Variants in DAB1 observed in about 807,000 individuals in gnomAD.
DAB1 encodes disabled homolog 1.
DAB1 carries 15 observed loss-of-function variants against 64.6 expected under a neutral mutation model. That is an observed-to-expected ratio of 0.23 (90% CI 0.16 to 0.36). The LOEUF is 0.36. DAB1 is among the 10% of genes least tolerant of loss of function. The probability of loss-of-function intolerance (pLI) is 1.00; values close to 1 mark genes in which losing one functional copy is unlikely to be tolerated. For missense variants in DAB1, 596 were observed against 706.7 expected (o/e 0.84, Z 1.78); for synonymous variants, 235 against 251.9 (o/e 0.93, Z 0.64).
At chr1:57,310,145 A>C in intron 1 of DAB1, among the ~76,000 whole-genome samples, 1 of 152,218 alleles carries the variant, frequency 6.6e-6, no homozygotes, top group South Asian at 2.1e-4. Context: ...CAAGTATACA[A>C]TGTGTCAGGT....
chr1:58,022,817 A>G (rs1646833307), intron 5 of DAB1, among the ~76,000 whole-genome samples: 1 of 152,136 alleles, frequency 6.6e-6, no homozygotes, highest in Non-Finnish European at 1.5e-5. Flanking sequence ...AGTTCCGGTT[A>G]CTGTATTACC....
chr1:57,553,469 A>AAGG, intron 7 of DAB1, among the ~76,000 whole-genome samples: 1 of 23,010 alleles, frequency 4.3e-5, no homozygotes, highest in African/African-American at 7.5e-5. Flanking sequence ...AGAGAAAGGG[A>AAGG]AAGAAAGGAA....
In DAB1 at chr1:57,263,311, G is replaced by A. The variant is rs553569039; in HGVS notation, c.67+27653C>T. Among the ~76,000 whole-genome samples the A allele has an allele frequency of 6.4e-4, 98 of 151,986 alleles. 1 individual carries two copies. The highest frequency in any genetic ancestry group is 1.2e-3 in the Non-Finnish European group (83 of 67,968). ...TTTTTTGTATTTTTAGTAGAGATGG[G>A]GTTTTACCATGCTGACCAGGCTGGT... On this transcript the variant is annotated intron_variant, in intron 2 of 14. Transcript: ENST00000371236.
At chr1:57,736,626 G>A (rs1013507596) in intron 6 of DAB1, among the ~76,000 whole-genome samples, 45 of 151,938 alleles carry the variant, frequency 3.0e-4, no homozygotes, top group African/African-American at 1.1e-3. Context: ...GAGCTTTTAC[G>A]ACCTGCATTA....
intron 1 of DAB1, among the ~76,000 whole-genome samples, chr1:57,406,644 C>T (rs532302785): frequency 4.9e-4 from 75 of 152,284 alleles, no homozygotes; most frequent in African/African-American, 1.6e-3. Flanking sequence ...CCACCAGCAC[C>T]GCAATCTCCA....
At position 57,213,163 on chromosome 1, in the gene DAB1, C is replaced by T. The variant is rs565672442; in HGVS notation, c.68-67734G>A. 2.7e-5 allele frequency among the ~76,000 whole-genome samples: 4 copies of T among 150,686 alleles called. No homozygotes were observed. In the East Asian group the frequency reaches 5.9e-4, roughly 22 times the overall value. ...GATAGAATTTTAAATGTTCTAGTGA[C>T]CACATTTTAAAAGGTACAAAGAAAT... On this transcript the variant is annotated intron_variant, in intron 2 of 14. Coordinates refer to ENST00000371236, the MANE Select transcript of DAB1 (RefSeq NM_001365792.1).
intron 5 of DAB1, among the ~76,000 whole-genome samples, chr1:57,959,235 T>C (rs558582050): frequency 2.6e-5 from 4 of 152,186 alleles, no homozygotes; most frequent in Non-Finnish European, 4.4e-5. Context: ...AGGTGGGGAA[T>C]GGCACCTGCC....
chr1:57,641,180 G>A (rs1646122735), intron 7 of DAB1, among the ~76,000 whole-genome samples: 1 of 152,090 alleles, frequency 6.6e-6, no homozygotes, highest in South Asian at 2.1e-4. Flanking sequence ...GAGGTGGGAT[G>A]GGTGAGTTGG....
At chr1:58,404,028 C>T (rs551010600) in intron 3 of DAB1, among the ~76,000 whole-genome samples, 15 of 152,158 alleles carry the variant, frequency 9.9e-5, no homozygotes, top group Non-Finnish European at 1.9e-4. Flanking sequence ...TCCCAGAGAA[C>T]AGACAACAGA....
In DAB1 at chr1:57,446,859, TACTC is replaced by T. The variant is rs567842259; in HGVS notation, n.626-155697_626-155694del. On this transcript the variant is annotated intron_variant and non_coding_transcript_variant, in intron 7 of 20. Coordinates refer to the DAB1 transcript ENST00000485760. Reference sequence around the variant, plus strand: ...GAAAAAATGCACATTGATTCTTAATTACTCACATCCTATGTAAGCTTATCCATTA... The same window carrying T: ...GAAAAAATGCACATTGATTCTTAATTACATCCTATGTAAGCTTATCCATTA... Among the ~76,000 whole-genome samples the T allele has an allele frequency of 5.9e-4, 90 of 152,290 alleles. 1 individual carries two copies. The highest frequency in any genetic ancestry group is 2.1e-3 in the African/African-American group (89 of 41,568).
rs926392466 is a variant in DAB1 at position 57,422,515 on chromosome 1, C to T, written c.-137+1415G>A. 4.6e-5 allele frequency among the ~76,000 whole-genome samples: 7 copies of T among 152,290 alleles called. No individual in the cohort carries two copies. The South Asian group carries it at 1.0e-3, about 23-fold the overall frequency. On this transcript the variant is annotated intron_variant, in intron 1 of 14. Transcript: ENST00000371236. Reference sequence around the variant, plus strand: ...ACACGCAGACACCGACCCACGCGGGCGCGCACCCCAGACTCGGCGACACAT... The same window carrying T: ...ACACGCAGACACCGACCCACGCGGGTGCGCACCCCAGACTCGGCGACACAT...
intron 9 of DAB1, among the ~76,000 whole-genome samples, chr1:57,033,829 C>T (rs150494771): frequency 1.3e-5 from 2 of 152,294 alleles, no homozygotes; most frequent in African/African-American, 4.8e-5. Context: ...AGAGACATTG[C>T]CCCGCAGTTA....
intron 5 of DAB1, among the ~76,000 whole-genome samples, chr1:57,913,294 T>C (rs550929526): frequency 6.6e-6 from 1 of 151,920 alleles, no homozygotes; most frequent in African/African-American, 2.4e-5. Context: ...ATGCCACACA[T>C]CTACAACTAT....
intron 1 of DAB1, among the ~76,000 whole-genome samples, chr1:57,412,282 T>G (rs1230581225): frequency 6.6e-6 from 1 of 152,206 alleles, no homozygotes; most frequent in African/African-American, 2.4e-5. Flanking sequence ...GGCCAATTAA[T>G]AACCCCACAA....
intron 2 of DAB1, among the ~76,000 whole-genome samples, chr1:57,172,409 G>A (rs937354644): frequency 5.3e-5 from 8 of 152,178 alleles, no homozygotes; most frequent in African/African-American, 1.9e-4. Flanking sequence ...TAGTGATAAA[G>A]AAGTGGAAGC....
At chr1:57,421,914 T>TGGGGGGGG (rs1684932712) in intron 1 of DAB1, among the ~76,000 whole-genome samples, 1 of 11,472 alleles carries the variant, frequency 8.7e-5, no homozygotes, top group Non-Finnish European at 1.7e-4. Context: ...GGGGGGGGGG[T>TGGGGGGGG]GGCGGGGGGG....
intron 5 of DAB1, among the ~76,000 whole-genome samples, chr1:57,905,612 G>T (rs1644538535): frequency 6.6e-6 from 1 of 152,162 alleles, no homozygotes; most frequent in Non-Finnish European, 1.5e-5. Context: ...TGAGTCTGAA[G>T]CTCAGGGAAG....
intron 6 of DAB1, among the ~76,000 whole-genome samples, chr1:57,754,411 C>T (rs1043420604): frequency 2.6e-5 from 4 of 152,070 alleles, no homozygotes; most frequent in Non-Finnish European, 5.9e-5. Context: ...CTCGGCTGGG[C>T]ACGGTGGCTC....
At chr1:57,642,324 A>G (rs1037404555) in intron 7 of DAB1, among the ~76,000 whole-genome samples, 1 of 152,186 alleles carries the variant, frequency 6.6e-6, no homozygotes, top group Non-Finnish European at 1.5e-5. Context: ...TTCTTTATCC[A>G]TTGGAAGCTG....
Sources: gnomAD v4.1 joint callset for allele counts (sites outside exome capture counted in the v4.1 genomes callset) on GRCh38, gnomAD v4.1.1 for gene constraint, MANE v1.5 for transcripts, NCBI Gene and HGNC (gene_info 2026-07-23, HGNC 2026-07-21) for gene names.